CCDC148: variants seen among roughly 807,000 people sequenced by gnomAD.
CCDC148 encodes the protein coiled-coil domain-containing protein 148.
In CCDC148, 89 loss-of-function variants were observed where a neutral mutation model predicts 85.7. The observed-to-expected ratio is 1.04, with a 90% confidence interval of 0.87 to 1.24. The LOEUF (loss-of-function observed/expected upper bound fraction) is 1.24. Among genes scored for constraint, CCDC148 ranks in the 50% most tolerant of loss-of-function variants. The probability of loss-of-function intolerance (pLI) is 0.00; values close to 1 mark genes in which losing one functional copy is unlikely to be tolerated. For synonymous variants in CCDC148, 230 were observed against 213.9 expected, an observed-to-expected ratio of 1.08 and a Z score of -0.66; for missense variants, 692 against 671.7, an observed-to-expected ratio of 1.03 and a Z score of -0.33.
chr2:158,388,899 A>G (rs1355148073), intron 1 of CCDC148, among the ~76,000 whole-genome samples: 1 of 152,226 alleles, frequency 6.6e-6, no homozygotes, highest in Non-Finnish European at 1.5e-5. Context: ...TGTCAAAAAT[A>G]TCATCTGAAA....
chr2:158,440,311 T>C (rs1045837395), intron 1 of CCDC148, among the ~76,000 whole-genome samples: 2 of 152,130 alleles, frequency 1.3e-5, no homozygotes, highest in African/African-American at 4.8e-5. Flanking sequence ...TAGTTAAACA[T>C]AAACTTATTT....
chr2:158,190,052 CCTGT>C (rs1323440021), intron 11 of CCDC148, among the ~76,000 whole-genome samples: 2 of 151,910 alleles, frequency 1.3e-5, no homozygotes, highest in African/African-American at 4.8e-5. Flanking sequence ...TTCCTTTAAG[CCTGT>C]CTAATTAGTC....
At chr2:158,303,121 A>T (rs902680152) in intron 9 of CCDC148, among the ~76,000 whole-genome samples, 37 of 152,196 alleles carry the variant, frequency 2.4e-4, no homozygotes, top group Non-Finnish European at 4.4e-5. Flanking sequence ...GACACAAATC[A>T]TCTAAATTAC....
chr2:158,218,670 T>C (rs1428628633), intron 11 of CCDC148, among the ~76,000 whole-genome samples: 1 of 152,236 alleles, frequency 6.6e-6, no homozygotes, highest in African/African-American at 2.4e-5. Context: ...GTAGGATAGC[T>C]TTAGACTGAT....
At chr2:158,322,309 T>A (rs1171396512) in intron 7 of CCDC148, among the ~76,000 whole-genome samples, 2 of 152,142 alleles carry the variant, frequency 1.3e-5, no homozygotes, top group African/African-American at 2.4e-5. Context: ...ATTGTAATAC[T>A]ATCCATCTAA....
chr2:158,345,206 A>G lies in CCDC148; in HGVS notation c.251+9T>C, dbSNP rs772184288. ...CCTACGTGTTCTTACTATGTCCCCC[A>G]GTTCTTACCTGACTTCATTCAGCCT... On this transcript the variant is annotated intron_variant, in intron 3 of 13. Transcript: ENST00000283233. The G allele has an allele frequency of 1.2e-6, 2 of 1,601,150 alleles. No homozygotes were observed. The highest frequency in any genetic ancestry group is 2.2e-5 in the South Asian group (2 of 90,436).
intron 1 of CCDC148, among the ~76,000 whole-genome samples, chr2:158,437,764 A>G (rs1389987114): frequency 6.6e-6 from 1 of 152,228 alleles, no homozygotes; most frequent in African/African-American, 2.4e-5. Context: ...TAAGCTGATA[A>G]GCAACTTCAG....
At chr2:158,231,410 C>A (rs981837739) in intron 10 of CCDC148, among the ~76,000 whole-genome samples, 2 of 152,156 alleles carry the variant, frequency 1.3e-5, no homozygotes, top group African/African-American at 4.8e-5. Context: ...TTATGACCCT[C>A]CTTTCTTTGA....
intron 1 of CCDC148, among the ~76,000 whole-genome samples, chr2:158,405,844 C>T (rs1685975375): frequency 6.6e-6 from 1 of 151,972 alleles, no homozygotes; most frequent in Non-Finnish European, 1.5e-5. Context: ...TAAAGTAACT[C>T]ATATGAAAGA....
chr2:158,308,694 G>A (rs1180568240), intron 9 of CCDC148, among the ~76,000 whole-genome samples: 1 of 152,130 alleles, frequency 6.6e-6, no homozygotes, highest in Non-Finnish European at 1.5e-5. Context: ...TAATGGCCCT[G>A]GCCAACACTC....
chr2:158,326,806 C>A (rs995146977), intron 7 of CCDC148, among the ~76,000 whole-genome samples: 2 of 152,062 alleles, frequency 1.3e-5, no homozygotes, highest in African/African-American at 4.8e-5. Flanking sequence ...AGGCATCTGG[C>A]TCCCCTCCCT....
intron 9 of CCDC148, among the ~76,000 whole-genome samples, chr2:158,256,588 G>T (rs987127698): frequency 4.0e-5 from 6 of 151,774 alleles, no homozygotes; most frequent in Non-Finnish European, 7.4e-5. Flanking sequence ...GTTACCATCT[G>T]AGCAGTGCCT....
At chr2:158,274,855 A>G (rs1689855961) in intron 9 of CCDC148, among the ~76,000 whole-genome samples, 1 of 152,238 alleles carries the variant, frequency 6.6e-6, no homozygotes, top group Admixed American at 6.5e-5. Context: ...CTATAGTCCA[A>G]GTGAGTCTGA....
intron 1 of CCDC148, among the ~76,000 whole-genome samples, chr2:158,372,594 T>C (rs1684490741): frequency 6.6e-6 from 1 of 152,136 alleles, no homozygotes; most frequent in East Asian, 1.9e-4. Context: ...TGCTTCCCCT[T>C]GGTCCCTTTT....
chr2:158,363,449 C>A (rs533919614), intron 1 of CCDC148, among the ~76,000 whole-genome samples: 2 of 152,178 alleles, frequency 1.3e-5, no homozygotes, highest in South Asian at 4.2e-4. Context: ...AGCAGCACAT[C>A]AAAAAGCTTA....
chr2:158,419,422 T>A (rs914312353), intron 1 of CCDC148, among the ~76,000 whole-genome samples: 2 of 152,212 alleles, frequency 1.3e-5, no homozygotes, highest in Non-Finnish European at 2.9e-5. Context: ...TTTTCCATGA[T>A]AAAACCAGGA....
intron 11 of CCDC148, among the ~76,000 whole-genome samples, chr2:158,191,812 A>G (rs1167546044): frequency 6.6e-6 from 1 of 151,596 alleles, no homozygotes; most frequent in East Asian, 1.9e-4. Context: ...TTTTCTTTGG[A>G]GACAGACAAC....
rs1412964265 is a variant in CCDC148, at chr2:158,239,086, A to C, written c.1251+11686T>G. ...GGGCTGTTAAGAAGATTAAATGAAC[A>C]TGGAATACTGCCTTGCACATAGCAA... On this transcript the variant is annotated intron_variant, in intron 10 of 13. Coordinates refer to ENST00000283233, the MANE Select transcript of CCDC148 (RefSeq NM_138803.4). Among the ~76,000 whole-genome samples the C allele has an allele frequency of 3.3e-5, 5 of 152,182 alleles. No individual in the cohort carries two copies. The East Asian group carries it at 9.6e-4, about 29-fold the overall frequency.
Position 158,340,293 on chromosome 2 carries a change from CA to C in CCDC148, c.434del (p.Leu145CysfsTer13), listed in dbSNP as rs1283456897. ...ACTCAATATGTGGGTGTGAATGCTG[CA>C]AAGTGTGATGCTGTCTGTATTTTAG... ...ADLKYRQHHTLQHSHPHIEFN... is the reference protein window; with the variant it reads ...ADLKYRQHHTXQHSHPHIEFN... On this transcript the variant is annotated frameshift_variant, in exon 5 of 14. Transcript: ENST00000283233. LOFTEE classifies it high-confidence loss of function. 1 of 1,613,896 alleles carries C rather than the reference CA, an allele frequency of 6.2e-7. No individual in the cohort carries two copies. The highest frequency in any genetic ancestry group is 8.5e-7 in the Non-Finnish European group (1 of 1,179,946).
Sources: gnomAD v4.1 joint callset for allele counts (sites outside exome capture counted in the v4.1 genomes callset) on GRCh38, gnomAD v4.1.1 for gene constraint, MANE v1.5 for transcripts, NCBI Gene and HGNC (gene_info 2026-07-23, HGNC 2026-07-21) for gene names.